The following GOLT1A variants were observed in gnomAD, a reference collection of about 807,000 sequenced individuals.
GOLT1A encodes golgi transport 1A.
In GOLT1A, 10 loss-of-function variants were observed where a neutral mutation model predicts 16.1. The ratio of observed to expected loss-of-function variants is 0.62; its 90% CI spans 0.38 to 1.05. The LOEUF (loss-of-function observed/expected upper bound fraction) is 1.05. Among genes scored for constraint, GOLT1A ranks in the 50% least tolerant of loss-of-function variants. The pLI is 0.01. For missense variants in GOLT1A, 137 were observed against 165.7 expected (o/e 0.83, Z 0.95); for synonymous variants, 60 against 67.9 (o/e 0.88, Z 0.57).
intron 1 of GOLT1A, among the ~76,000 whole-genome samples, chr1:204,205,246 C>T (rs1659024049): frequency 6.6e-6 from 1 of 152,074 alleles, no homozygotes; most frequent in South Asian, 2.1e-4. Context: ...AAATCCAGTG[C>T]TGTAATGCTT....
chr1:204,205,530 A>G (rs1659027587), intron 1 of GOLT1A, among the ~76,000 whole-genome samples: 1 of 152,216 alleles, frequency 6.6e-6, no homozygotes, highest in East Asian at 1.9e-4. Context: ...TTTTGCAGAT[A>G]GTTGTTAAAA....
chr1:204,211,780 G>A lies in GOLT1A; in HGVS notation c.25+2102C>T, dbSNP rs914722165. Among the ~76,000 whole-genome samples, 4 of 152,164 alleles carry A rather than the reference G, an allele frequency of 2.6e-5. No homozygotes were observed. In the South Asian group the frequency reaches 8.3e-4, roughly 32 times the overall value. ...CGGGATGGAAATTTGTTTCCCAGGG[G>A]ACATCTGGCAATGTTTGAAGACATT... On this transcript the variant is annotated intron_variant, in intron 1 of 4. Transcript: ENST00000308302.
rs1192917655 is a variant in GOLT1A, at chr1:204,198,510, G to A, written c.361-14C>T. 6.2e-7 allele frequency: 1 copy of A among 1,612,088 alleles called. No individual in the cohort carries two copies. The highest frequency in any genetic ancestry group is 1.1e-5 in the South Asian group (1 of 90,986). Reference sequence around the variant, plus strand: ...TCTCCGGAACAGCTGTGGGAGCCAAGAATCATTACTCCACACAAAGGGTAG... The same window carrying A: ...TCTCCGGAACAGCTGTGGGAGCCAAAAATCATTACTCCACACAAAGGGTAG... On this transcript the variant is annotated splice_polypyrimidine_tract_variant and intron_variant, in intron 4 of 4. Coordinates refer to ENST00000308302, the MANE Select transcript of GOLT1A (RefSeq NM_198447.2).
rs1236366895 is a variant in GOLT1A, at chr1:204,201,814, G to A, written c.118-3C>T. 2 of 1,613,692 alleles carry A rather than the reference G, an allele frequency of 1.2e-6. No homozygotes were observed. The highest frequency in any genetic ancestry group is 1.7e-5 in the Admixed American group (1 of 60,004). On this transcript the variant is annotated splice_polypyrimidine_tract_variant and splice_region_variant and intron_variant, in intron 2 of 4. Coordinates refer to ENST00000308302, the MANE Select transcript of GOLT1A (RefSeq NM_198447.2). ...GACAGGCCCGTCAGGAACAGCAGCT[G>A]TAGGGGAGGGAGGGGAGCATGAAGC...
intron 3 of GOLT1A, among the ~76,000 whole-genome samples, 176 bp from the exon 4 acceptor site, chr1:204,199,434 G>A (rs1030739371): frequency 6.6e-6 from 1 of 151,944 alleles, no homozygotes; most frequent in African/African-American, 2.4e-5. Context: ...AAGAATGAAG[G>A]CCCCAGGGTC....
At position 204,199,222 on chromosome 1, in the gene GOLT1A, A is replaced by T. The variant is rs747306254; in HGVS notation, c.333T>A (p.Asn111Lys). Residue 111 changes from asparagine (N) to lysine (K), a missense_variant, in exon 4 of 5, where the codon AAT (asparagine) becomes AAA (lysine). Transcript: ENST00000308302. ...CACCCAGGAAGGGGATGTTGCAGAC[A>T]TTGCCCAGGAAGCCGAAGGCGACAG... ...FFPVAFGFLG[N>K]VCNIPFLGAL... 1 of 1,603,386 alleles carries T rather than the reference A, an allele frequency of 6.2e-7. No homozygotes were observed. The highest frequency in any genetic ancestry group is 1.7e-5 in the Admixed American group (1 of 57,906).
chr1:204,203,604 T>G (rs1467214128), intron 1 of GOLT1A, among the ~76,000 whole-genome samples: 1 of 152,234 alleles, frequency 6.6e-6, no homozygotes, highest in African/African-American at 2.4e-5. Flanking sequence ...CAGTTAGGAA[T>G]GCATTCCTCT....
At chr1:204,204,969 G>T (rs1659017632) in intron 1 of GOLT1A, among the ~76,000 whole-genome samples, 1 of 152,152 alleles carries the variant, frequency 6.6e-6, no homozygotes, top group Non-Finnish European at 1.5e-5. Flanking sequence ...TATCTTCTTT[G>T]GAGAATTGTC....
intron 1 of GOLT1A, among the ~76,000 whole-genome samples, chr1:204,208,339 T>C (rs1433862178): frequency 1.4e-5 from 2 of 146,616 alleles, no homozygotes; most frequent in African/African-American, 5.1e-5. Flanking sequence ...TATGTATACA[T>C]ATATACACAC....
chr1:204,213,646 AG>A (rs917232048), intron 1 of GOLT1A, among the ~76,000 whole-genome samples: 1 of 152,194 alleles, frequency 6.6e-6, no homozygotes, highest in African/African-American at 2.4e-5. Context: ...GGAACCTGCC[AG>A]GCCCCCTGGG....
chr1:204,200,973 C>T (rs1426373150), intron 3 of GOLT1A, among the ~76,000 whole-genome samples: 1 of 152,186 alleles, frequency 6.6e-6, no homozygotes, highest in Non-Finnish European at 1.5e-5. Context: ...TCTCTTAGAC[C>T]CTACCCATCC....
chr1:204,207,291 C>A (rs1388864326), intron 1 of GOLT1A, among the ~76,000 whole-genome samples: 1 of 152,222 alleles, frequency 6.6e-6, no homozygotes, highest in Non-Finnish European at 1.5e-5. Context: ...GGCTGTCACG[C>A]CTACACCCAG....
chr1:204,203,054 C>T lies in GOLT1A; in HGVS notation c.26-67G>A, dbSNP rs189602653. ...AGCAGGTGGGGACCCTGAAACTTCCCCCATTGCCACAGGACAGGTGCCCTC... is the reference window on the plus strand; with the variant it reads ...AGCAGGTGGGGACCCTGAAACTTCCTCCATTGCCACAGGACAGGTGCCCTC... On this transcript the variant is annotated intron_variant, in intron 1 of 4. Transcript: ENST00000308302. 6,629 of 1,233,360 alleles carry T rather than the reference C, an allele frequency of 5.4e-3. 31 individuals are homozygous for T. Among genetic ancestry groups the T allele is most frequent in the Non-Finnish European group, 6.9e-3 (5,836 of 844,266 alleles). 76.4% of individuals were successfully genotyped at this position (1,233,360 alleles called of 1,614,324 possible).
chr1:204,212,769 C>G (rs1659158626), intron 1 of GOLT1A, among the ~76,000 whole-genome samples: 1 of 151,976 alleles, frequency 6.6e-6, no homozygotes, highest in Non-Finnish European at 1.5e-5. Context: ...AGCACAAAAC[C>G]AAGGTCATTA....
chr1:204,201,884 C>A, intron 2 of GOLT1A, 73 bp from the exon 3 acceptor site: 1 of 1,424,802 alleles, frequency 7.0e-7, no homozygotes, highest in South Asian at 1.2e-5. Flanking sequence ...GGCCTGGAGC[C>A]AGGCGGTGGG....
chr1:204,203,610 C>T (rs1358822815), intron 1 of GOLT1A, among the ~76,000 whole-genome samples: 1 of 152,216 alleles, frequency 6.6e-6, no homozygotes, highest in Non-Finnish European at 1.5e-5. Context: ...GGAATGCATT[C>T]CTCTTCTCAG....
intron 1 of GOLT1A, among the ~76,000 whole-genome samples, chr1:204,212,387 C>A (rs1006297537): frequency 1.2e-4 from 18 of 152,200 alleles, no homozygotes; most frequent in Admixed American, 1.1e-3. Flanking sequence ...GTAATCCCAG[C>A]ACTTTGGGAG....
At chr1:204,201,916 G>T in intron 2 of GOLT1A, 105 bp from the exon 3 acceptor site, 1 of 1,006,192 alleles carries the variant, frequency 9.9e-7, no homozygotes, top group Non-Finnish European at 1.5e-6. Flanking sequence ...TGTGCTAACT[G>T]TTCAAGACCA....
chr1:204,211,967 C>T (rs928998149), intron 1 of GOLT1A, among the ~76,000 whole-genome samples: 3 of 152,098 alleles, frequency 2.0e-5, no homozygotes, highest in Admixed American at 6.5e-5. Flanking sequence ...TGCCTGCCCT[C>T]GGTGATCTCA....
Sources: allele counts gnomAD v4.1 joint callset (sites outside exome capture counted in the v4.1 genomes callset), GRCh38; gene constraint gnomAD v4.1.1; transcripts MANE v1.5; gene names NCBI Gene and HGNC (gene_info 2026-07-23, HGNC 2026-07-21).